The following DDX42 variants were observed in gnomAD, a reference collection of about 807,000 sequenced individuals.
DDX42 encodes ATP-dependent RNA helicase DDX42.
DDX42 carries 22 observed loss-of-function variants against 101.5 expected under a neutral mutation model. That is an observed-to-expected ratio of 0.22 (90% CI 0.15 to 0.31). DDX42 has a LOEUF of 0.31. Among genes scored for constraint, DDX42 ranks in the 10% least tolerant of loss-of-function variants. The probability of loss-of-function intolerance (pLI) is 1.00; values close to 1 mark genes in which losing one functional copy is unlikely to be tolerated. For missense variants in DDX42, 849 were observed against 1,199.9 expected, an observed-to-expected ratio of 0.71 and a Z score of 4.32; for synonymous variants, 402 against 401.2, an observed-to-expected ratio of 1.00 and a Z score of -0.02.
chr17:63,779,931 T>C (rs2039466139), intron 1 of DDX42, among the ~76,000 whole-genome samples: 1 of 152,178 alleles, frequency 6.6e-6, no homozygotes, highest in Admixed American at 6.5e-5. Context: ...TTTTGCTTCT[T>C]CTGTCAGCTA....
intron 12 of DDX42, 41 bp from the exon 13 acceptor site, chr17:63,811,035 T>C: frequency 6.4e-7 from 1 of 1,558,204 alleles, no homozygotes; most frequent in Non-Finnish European, 8.8e-7. Flanking sequence ...TGCATAAAGA[T>C]ATCATATTGT....
chr17:63,775,706 G>A (rs952635918), intron 1 of DDX42, among the ~76,000 whole-genome samples: 2 of 152,156 alleles, frequency 1.3e-5, no homozygotes, highest in African/African-American at 4.8e-5. Context: ...AGCTGAGGGA[G>A]TATTAGGAGA....
intron 17 of DDX42, chr17:63,817,324 C>T (rs938869363): frequency 2.8e-5 from 9 of 322,228 alleles, no homozygotes; most frequent in African/African-American, 1.5e-4. Flanking sequence ...TAAGGTGAAT[C>T]GATAGAATGA....
At chr17:63,781,450 C>A (rs989287023) in intron 1 of DDX42, among the ~76,000 whole-genome samples, 1 of 152,022 alleles carries the variant, frequency 6.6e-6, no homozygotes, top group Non-Finnish European at 1.5e-5. Flanking sequence ...ATCTCCTGAC[C>A]TTGTGATCCG....
intron 6 of DDX42, among the ~76,000 whole-genome samples, chr17:63,803,586 A>C (rs1202109259): frequency 6.7e-6 from 1 of 149,626 alleles, no homozygotes; most frequent in Non-Finnish European, 1.5e-5. Flanking sequence ...AAAAAAAAAA[A>C]GGTATCTGAA....
rs754201861 is a variant in DDX42 at position 63,808,839 on chromosome 17, G to A, written c.1043G>A (p.Arg348Gln). The change falls in exon 10 of 18, where the codon CGG becomes CAG. Residue 348 changes from arginine (R) to glutamine (Q), a missense_variant. Arg to Gln is a conservative substitution (Grantham distance 43). Transcript: ENST00000389924. ...TTGTAGATCCATGCAGAATGTAAGC[G>A]GTTTGGAAAAGCATATAATCTTCGA... Reference protein sequence around the residue: ...LCQQIHAECKRFGKAYNLRSV... With the variant: ...LCQQIHAECKQFGKAYNLRSV... 2 of 1,613,916 alleles carry A rather than the reference G, an allele frequency of 1.2e-6. No homozygotes were observed. Among genetic ancestry groups the A allele is most frequent in the Admixed American group, 1.7e-5 (1 of 60,008 alleles).
At chr17:63,804,956 C>G (rs2144572923) in intron 6 of DDX42, 115 bp from the exon 7 acceptor site, 9 of 1,328,278 alleles carry the variant, frequency 6.8e-6, no homozygotes, top group East Asian at 5.2e-5. Context: ...TTTGCTTTCT[C>G]TAGCTGGAAT....
chr17:63,777,669 C>G (rs927067448), intron 1 of DDX42, among the ~76,000 whole-genome samples: 1 of 151,352 alleles, frequency 6.6e-6, no homozygotes, highest in Non-Finnish European at 1.5e-5. Flanking sequence ...AGGATTGTCT[C>G]GATCTCCTGA....
chr17:63,805,222 C>T (rs370566085), intron 7 of DDX42, 47 bp downstream of exon 7: 2 of 1,590,338 alleles, frequency 1.3e-6, no homozygotes, highest in Admixed American at 1.8e-5. Context: ...GTTAATTAGT[C>T]CAGATTTAGT....
chr17:63,784,557 G>T (rs912823590), intron 1 of DDX42, among the ~76,000 whole-genome samples: 7 of 152,146 alleles, frequency 4.6e-5, no homozygotes, highest in African/African-American at 1.7e-4. Context: ...GAGGTGGGAG[G>T]ACTGGTTGAG....
chr17:63,818,612 A>C lies in DDX42; in HGVS notation c.*214A>C. ...GTCCTTGGAAGCAGTGAGAGCTGGG[A>C]AGCTTCTTTTGGCTCTAGGTGAGTT... On this transcript the variant is annotated 3_prime_UTR_variant, in exon 18 of 18. Transcript: ENST00000389924. The C allele has an allele frequency of 1.9e-6, 1 of 532,626 alleles. No individual in the cohort carries two copies. The highest frequency in any genetic ancestry group is 3.3e-6 in the Non-Finnish European group (1 of 300,126). The allele number at this position is 532,626 out of a possible 1,614,324, so 33.0% of individuals were successfully genotyped here.
intron 3 of DDX42, 22 bp downstream of exon 3, chr17:63,792,584 T>A: frequency 6.3e-7 from 1 of 1,597,450 alleles, no homozygotes; most frequent in Non-Finnish European, 8.5e-7. Flanking sequence ...CATGTTTCAT[T>A]AAAATATTTA....
rs181465478 is a variant in DDX42, at chr17:63,777,579, C to T, written c.-17+3203C>T. Among the ~76,000 whole-genome samples, 6 of 152,068 alleles carry T rather than the reference C, an allele frequency of 3.9e-5. No individual in the cohort carries two copies. The East Asian group carries it at 1.2e-3, about 29-fold the overall frequency. On this transcript the variant is annotated intron_variant, in intron 1 of 17. Transcript: ENST00000389924. ...TCTCCTGCCTCAGCCTCCGGAGTAG[C>T]TGGGACTACAGGTGCCCACCACCAC...
intron 13 of DDX42, 28 bp from the exon 14 acceptor site, chr17:63,811,904 A>G (rs777274500): frequency 1.2e-6 from 2 of 1,613,968 alleles, no homozygotes; most frequent in Non-Finnish European, 8.5e-7. Context: ...CAATGTCACA[A>G]TCATCTGTTT....
intron 17 of DDX42, 190 bp from the exon 18 acceptor site, chr17:63,817,504 C>T: frequency 1.7e-6 from 1 of 586,812 alleles, no homozygotes; most frequent in Non-Finnish European, 3.0e-6. Context: ...TCCATCTCTC[C>T]ACAGAGATCC....
In DDX42 at chr17:63,813,685, G is replaced by A. The variant is rs190999556; in HGVS notation, c.1902+231G>A. 2.0e-5 allele frequency among the ~76,000 whole-genome samples: 3 copies of A among 152,268 alleles called. No individual in the cohort carries two copies. In the South Asian group the frequency reaches 6.2e-4, roughly 32 times the overall value. Reference sequence around the variant, plus strand: ...AAGCTATTCCTTTGTGCTAAAATCTGTCGCTGTAATTTCTACCCCATAGCA... The same window carrying A: ...AAGCTATTCCTTTGTGCTAAAATCTATCGCTGTAATTTCTACCCCATAGCA... On this transcript the variant is annotated intron_variant, in intron 15 of 17. Coordinates refer to ENST00000389924, the MANE Select transcript of DDX42 (RefSeq NM_203499.3).
At chr17:63,780,018 C>T (rs1250668616) in intron 1 of DDX42, among the ~76,000 whole-genome samples, 5 of 152,108 alleles carry the variant, frequency 3.3e-5, no homozygotes, top group Admixed American at 6.6e-5. Flanking sequence ...GAAAAACTGC[C>T]GGGCACGGTG....
At chr17:63,792,747 G>A (rs1363920861) in intron 3 of DDX42, among the ~76,000 whole-genome samples, 185 bp downstream of exon 3, 1 of 151,532 alleles carries the variant, frequency 6.6e-6, no homozygotes, top group Admixed American at 6.6e-5. Flanking sequence ...CTTTTGCAAT[G>A]ATTGGTGGCT....
chr17:63,810,576 C>T lies in DDX42; in HGVS notation c.1300+16C>T. 6.2e-7 allele frequency: 1 copy of T among 1,613,608 alleles called. No homozygotes were observed. The highest frequency in any genetic ancestry group is 8.5e-7 in the Non-Finnish European group (1 of 1,179,724). ...GACAGGCAGAGTATGTATGAAGCAC[C>T]TTTGTTAAACCAAATTTGTACTAAA... On this transcript the variant is annotated intron_variant, in intron 12 of 17. Coordinates refer to ENST00000389924, the MANE Select transcript of DDX42 (RefSeq NM_203499.3).
Sources: gnomAD v4.1 joint callset for allele counts (sites outside exome capture counted in the v4.1 genomes callset) on GRCh38, gnomAD v4.1.1 for gene constraint, MANE v1.5 for transcripts, NCBI Gene and HGNC (gene_info 2026-07-23, HGNC 2026-07-21) for gene names.